Variants in DENND3 observed in about 807,000 individuals in gnomAD.
The protein encoded by DENND3 is DENN domain containing 3.
DENND3 carries 88 observed loss-of-function variants against 135.1 expected under a neutral mutation model. The observed-to-expected ratio is 0.65, with a 90% CI of 0.55 to 0.78. The LOEUF is 0.78. DENND3 is among the 30% of genes least tolerant of loss of function. DENND3 has a pLI of 0.00. For synonymous variants in DENND3, 693 were observed against 712.3 expected, an observed-to-expected ratio of 0.97 and a Z score of 0.43; for missense variants, 1,392 against 1,688.4, an observed-to-expected ratio of 0.82 and a Z score of 3.08.
In DENND3 at chr8:141,144,952, A is replaced by G. The variant is rs1817869852; in HGVS notation, c.735+693A>G. On this transcript the variant is annotated intron_variant, in intron 5 of 22. Transcript: ENST00000519811. The surrounding 1 kb of genome is among the most constrained non-coding windows in gnomAD (Gnocchi z 4.4). ...AAGAAAATCAAAGTATTTTACTGCA[A>G]ATATGTTTCTTTGACATATTTTGAA... Among the ~76,000 whole-genome samples the G allele has an allele frequency of 6.6e-6, 1 of 152,270 alleles. No individual in the cohort carries two copies. Among genetic ancestry groups the G allele is most frequent in the African/African-American group, 2.4e-5 (1 of 41,474 alleles).
At position 141,182,240 on chromosome 8, in the gene DENND3, C is replaced by T. The variant is rs760924632; in HGVS notation, c.2944+1386C>T. ...CACAGAGCACCTGGCCATTCACACA[C>T]GGAGCTCATGCTTCAGGTGGGCAGA... is the stretch of plus-strand genomic sequence containing the variant. On this transcript the variant is annotated intron_variant, in intron 17 of 22. Transcript: ENST00000519811. The surrounding 1 kb of genome is among the most constrained non-coding windows in gnomAD (Gnocchi z 5.9). 4.8e-5 allele frequency: 45 copies of T among 935,380 alleles called. No individual in the cohort carries two copies. Among genetic ancestry groups the T allele is most frequent in the Admixed American group, 2.5e-4 (4 of 16,216 alleles). The allele number at this position is 935,380 out of a possible 1,614,324, so 57.9% of individuals were successfully genotyped here.
intron 19 of DENND3, 23 bp downstream of exon 19, chr8:141,189,169 G>A (rs1824342120): frequency 1.2e-6 from 2 of 1,613,950 alleles, no homozygotes; most frequent in Non-Finnish European, 1.7e-6. Flanking sequence ...CTGCTGGGGA[G>A]AAGGGACTGT....
Position 141,168,098 on chromosome 8 carries a change from C to T in DENND3, c.1848C>T (p.His616=). 2.5e-6 allele frequency: 4 copies of T among 1,614,210 alleles called. No homozygotes were observed. Among genetic ancestry groups the T allele is most frequent in the Non-Finnish European group, 3.4e-6 (4 of 1,180,038 alleles). ...ESKCVQAYHA[H]FVSMLSEAMC... ...AGTGCGTGCAGGCATACCATGCCCACTTTGTCTCCATGCTGAGCGAGGCCA... is the reference window on the plus strand; with the variant it reads ...AGTGCGTGCAGGCATACCATGCCCATTTTGTCTCCATGCTGAGCGAGGCCA... The change falls in exon 13 of 23, where the codon CAC becomes CAT. Residue 616 remains histidine, a synonymous_variant. Transcript: ENST00000519811. This position sits in a 1 kb window ranked among gnomAD's most constrained non-coding sequence, Gnocchi z 6.2.
chr8:141,150,281 G>A (rs777012190), intron 5 of DENND3: 18 of 1,273,828 alleles, frequency 1.4e-5, no homozygotes, highest in South Asian at 1.1e-4. Context: ...GATTTCCTCC[G>A]CCAGGTCCAG....
chr8:141,194,441 G>T lies in DENND3; in HGVS notation c.*208G>T. ...GGGCCCCCTGGTTAAACTGCACCAA[G>T]GGTGTTTCCTGTTGGGGTGTGTCTC... is the stretch of plus-strand genomic sequence containing the variant. On this transcript the variant is annotated 3_prime_UTR_variant, in exon 23 of 23. Transcript: ENST00000519811. 1.7e-6 allele frequency: 1 copy of T among 601,588 alleles called. No homozygotes were observed. Among genetic ancestry groups the T allele is most frequent in the Non-Finnish European group, 2.9e-6 (1 of 341,872 alleles). The allele number at this position is 601,588 out of a possible 1,614,324, so 37.3% of individuals were successfully genotyped here.
intron 1 of DENND3, among the ~76,000 whole-genome samples, chr8:141,133,142 G>T (rs1312646768): frequency 6.6e-6 from 1 of 152,172 alleles, no homozygotes; most frequent in Non-Finnish European, 1.5e-5. Context: ...GGGGTGGAGG[G>T]TCTGCCCCCG....
chr8:141,170,747 G>T (rs1821440479), intron 13 of DENND3, among the ~76,000 whole-genome samples: 1 of 152,238 alleles, frequency 6.6e-6, no homozygotes, highest in South Asian at 2.1e-4. Context: ...AATCCCACTG[G>T]GGGTGACTGT....
Position 141,178,100 on chromosome 8 carries a change from G to A in DENND3, c.2740G>A (p.Val914Ile), listed in dbSNP as rs756531728. Residue 914 changes from valine (V) to isoleucine (I), a missense_variant, in exon 16 of 23, where the codon GTC becomes ATC. Transcript: ENST00000519811. ...CTACGTCCAGCAGGCGCTGACCAAC[G>A]TCTTGCTGATGGACGCCGTCGTGGG... Reference protein sequence around the residue: ...PHYVQQALTNVLLMDAVVGTL... With the variant: ...PHYVQQALTNILLMDAVVGTL... The A allele has an allele frequency of 6.2e-6, 10 of 1,611,842 alleles. No homozygotes were observed. The African/African-American group carries it at 9.3e-5, about 15-fold the overall frequency.
rs184170810 is a variant in DENND3 at position 141,167,575 on chromosome 8, G to A, written c.1754-429G>A. Among the ~76,000 whole-genome samples the A allele has an allele frequency of 3.2e-4, 49 of 152,248 alleles. No homozygotes were observed. Among genetic ancestry groups the A allele is most frequent in the African/African-American group, 1.1e-3 (47 of 41,548 alleles). On this transcript the variant is annotated intron_variant, in intron 12 of 22. Coordinates refer to ENST00000519811, the MANE Select transcript of DENND3 (RefSeq NM_001352890.3). The surrounding 1 kb of genome is among the most constrained non-coding windows in gnomAD (Gnocchi z 4.1). Reference sequence around the variant, plus strand: ...AAGTAACCCAGGCTGTGGAAGCCTCGGTTTCCGCATCTGTAGAACGGGACT... The same window carrying A: ...AAGTAACCCAGGCTGTGGAAGCCTCAGTTTCCGCATCTGTAGAACGGGACT...
At position 141,178,188 on chromosome 8, in the gene DENND3, G is replaced by A; in HGVS notation, c.2828G>A (p.Ser943Asn). 6.2e-7 allele frequency: 1 copy of A among 1,609,426 alleles called. No homozygotes were observed. The highest frequency in any genetic ancestry group is 1.7e-5 in the Admixed American group (1 of 59,960). The change falls in exon 16 of 23, where the codon AGT becomes AAT. Residue 943 changes from serine (S) to asparagine (N), a missense_variant. By Grantham distance (46) the Ser-to-Asn change is conservative (BLOSUM62 1). Coordinates refer to ENST00000519811, the MANE Select transcript of DENND3 (RefSeq NM_001352890.3). The part of the protein sequence containing the change: ...ASKLSYFDKM[S>N]NEMPMTLPET... ...AAGTTATCCTACTTTGATAAGATGAGTAACGAAAGTAAGATAAGCCCGTTC... is the reference window on the plus strand; with the variant it reads ...AAGTTATCCTACTTTGATAAGATGAATAACGAAAGTAAGATAAGCCCGTTC...
chr8:141,160,919 C>A, intron 9 of DENND3, 132 bp downstream of exon 9: 2 of 1,169,364 alleles, frequency 1.7e-6, no homozygotes, highest in Non-Finnish European at 2.3e-6. Flanking sequence ...GTGGTCCCCG[C>A]CCCCTGCCAA....
intron 1 of DENND3, among the ~76,000 whole-genome samples, chr8:141,134,092 T>C (rs1011672358): frequency 6.6e-6 from 1 of 151,642 alleles, no homozygotes; most frequent in Non-Finnish European, 1.5e-5. Context: ...TCAAGACAGT[T>C]CCAGGATCCA....
At chr8:141,176,257 A>G (rs1822320350) in intron 14 of DENND3, 2 of 208,754 alleles carry the variant, frequency 9.6e-6, no homozygotes, top group Admixed American at 5.8e-5. Flanking sequence ...AAGGAAAGGG[A>G]GATGGAAGTA....
chr8:141,191,188 C>T (rs1824702867), intron 20 of DENND3: 1 of 152,264 alleles, frequency 6.6e-6, no homozygotes, highest in South Asian at 2.1e-4. Context: ...TGCCCCTTTC[C>T]AGGCCGTGCC....
intron 10 of DENND3, among the ~76,000 whole-genome samples, chr8:141,164,121 C>T (rs1039433161): frequency 3.3e-5 from 5 of 152,128 alleles, no homozygotes; most frequent in Non-Finnish European, 7.3e-5. Flanking sequence ...ATCTCAGAGT[C>T]TTGCGCTGTG....
chr8:141,132,151 A>G (rs987330143), intron 1 of DENND3, among the ~76,000 whole-genome samples: 8 of 152,226 alleles, frequency 5.3e-5, no homozygotes, highest in African/African-American at 1.9e-4. Flanking sequence ...GGTCAGCCAC[A>G]TGAAGTAGTT....
In DENND3 at chr8:141,141,503, C is replaced by T; in HGVS notation, c.623+179C>T. The T allele has an allele frequency of 1.4e-6, 1 of 701,954 alleles. No homozygotes were observed. The highest frequency in any genetic ancestry group is 2.3e-6 in the Non-Finnish European group (1 of 436,196). 43.5% of individuals were successfully genotyped at this position (701,954 alleles called of 1,614,324 possible). A position where few individuals can be genotyped will look rare whatever the true frequency, so the allele number is the denominator to read the frequency against. ...GGGGCAGTTCTCTGTGCCTCTTAGG[C>T]TGTTGCTTAAGGCTGGGGGCAGTGG... On this transcript the variant is annotated intron_variant, in intron 4 of 22. Coordinates refer to ENST00000519811, the MANE Select transcript of DENND3 (RefSeq NM_001352890.3). The surrounding 1 kb of genome is among the most constrained non-coding windows in gnomAD (Gnocchi z 5.3).
Position 141,145,816 on chromosome 8 carries a change from TA to T in DENND3, c.735+1558del, listed in dbSNP as rs1817968429. On this transcript the variant is annotated intron_variant, in intron 5 of 22. Coordinates refer to ENST00000519811, the MANE Select transcript of DENND3 (RefSeq NM_001352890.3). ...TAATATTGAATATTATATATATATA[TA>T]TATATATATATATATATATATATAT... Among the ~76,000 whole-genome samples the T allele has an allele frequency of 7.0e-5, 2 of 28,456 alleles. 1 individual carries two copies. Among genetic ancestry groups the T allele is most frequent in the African/African-American group, 6.6e-4 (2 of 3,034 alleles). 18.7% of individuals were successfully genotyped at this position (28,456 alleles called of 152,430 possible). A position where few individuals can be genotyped will look rare whatever the true frequency, so the allele number is the denominator to read the frequency against.
At position 141,176,812 on chromosome 8, in the gene DENND3, T is replaced by A. The variant is rs781571586; in HGVS notation, c.2706+51T>A. On this transcript the variant is annotated intron_variant, in intron 15 of 22. Transcript: ENST00000519811. ...CTTTGCTGTGGCTGCCTCAGGGGCC[T>A]CTCGCCACCTGTGGGTCCTGTGGCA... 19 of 1,591,224 alleles carry A rather than the reference T, an allele frequency of 1.2e-5. No homozygotes were observed. The South Asian group carries it at 1.9e-4, about 16-fold the overall frequency.
Sources: allele counts gnomAD v4.1 joint callset (sites outside exome capture counted in the v4.1 genomes callset), GRCh38; gene constraint gnomAD v4.1.1; non-coding constraint Gnocchi (gnomAD v3.1); transcripts MANE v1.5; gene names NCBI Gene and HGNC (gene_info 2026-07-23, HGNC 2026-07-21).